PID1: variants seen among roughly 807,000 people sequenced by gnomAD.
PID1 encodes phosphotyrosine interaction domain containing 1.
In PID1, 10 loss-of-function variants were observed where a neutral mutation model predicts 19.1. The ratio of observed to expected loss-of-function variants is 0.52; its 90% CI spans 0.32 to 0.89. PID1 has a LOEUF of 0.89. Ranked by LOEUF, PID1 falls within the 40% of genes least tolerant of loss-of-function variation. PID1 has a pLI of 0.03. For missense variants in PID1, 248 were observed against 285.3 expected, an observed-to-expected ratio of 0.87 and a Z score of 0.94; for synonymous variants, 130 against 116.0, an observed-to-expected ratio of 1.12 and a Z score of -0.78.
chr2:229,220,124 A>G (rs1691935721), intron 1 of PID1, among the ~76,000 whole-genome samples: 2 of 151,774 alleles, frequency 1.3e-5, no homozygotes, highest in South Asian at 2.1e-4. Context: ...AGCTAGAGTG[A>G]TCCTCCCACC....
chr2:229,155,044 C>G lies in PID1; in HGVS notation c.177+774G>C, dbSNP rs1690337082. 2.0e-5 allele frequency among the ~76,000 whole-genome samples: 3 copies of G among 152,166 alleles called. No homozygotes were observed. In the South Asian group the frequency reaches 6.2e-4, roughly 32 times the overall value. ...TGAATATTAGTATAAATTTTGAGAG[C>G]TGAAGCAAAGCAAAAACTGCAAAAT... On this transcript the variant is annotated intron_variant, in intron 2 of 2. Transcript: ENST00000392055.
intron 2 of PID1, among the ~76,000 whole-genome samples, chr2:229,098,178 G>A (rs1171372867): frequency 2.0e-5 from 3 of 152,164 alleles, no homozygotes; most frequent in Non-Finnish European, 4.4e-5. Flanking sequence ...AAACACTGAC[G>A]TTCCAATTTC....
intron 2 of PID1, among the ~76,000 whole-genome samples, chr2:229,103,274 G>T (rs1298704359): frequency 1.3e-5 from 2 of 152,122 alleles, no homozygotes; most frequent in African/African-American, 4.8e-5. Context: ...TTGTCAATGG[G>T]ACAAGGGAAG....
At chr2:229,062,870 A>G (rs1373204618) in intron 2 of PID1, among the ~76,000 whole-genome samples, 1 of 151,868 alleles carries the variant, frequency 6.6e-6, no homozygotes, top group Admixed American at 6.6e-5. Flanking sequence ...AGATTCTAGG[A>G]ATGTATTCAT....
At chr2:229,101,228 T>G (rs1259882980) in intron 2 of PID1, among the ~76,000 whole-genome samples, 1 of 152,214 alleles carries the variant, frequency 6.6e-6, no homozygotes, top group African/African-American at 2.4e-5. Context: ...GATTTTTTTT[T>G]TAATCTTTTT....
At chr2:229,158,959 C>T (rs1690438550) in intron 1 of PID1, among the ~76,000 whole-genome samples, 1 of 151,814 alleles carries the variant, frequency 6.6e-6, no homozygotes, top group African/African-American at 2.4e-5. Context: ...TGGGGGAAGG[C>T]AGGGATGGTT....
chr2:229,149,032 A>AATATATAT (rs71793691), intron 2 of PID1, among the ~76,000 whole-genome samples: 4 of 147,146 alleles, frequency 2.7e-5, no homozygotes, highest in African/African-American at 7.4e-5. Flanking sequence ...GCTTGAATCT[A>AATATATAT]ATATATATAT....
intron 2 of PID1, among the ~76,000 whole-genome samples, chr2:229,126,416 G>A (rs1695624021): frequency 6.6e-6 from 1 of 151,738 alleles, no homozygotes; most frequent in Admixed American, 6.6e-5. Flanking sequence ...AACTGGGAAT[G>A]GTCTGGCAAA....
chr2:229,151,220 C>T (rs1458145884), intron 2 of PID1, among the ~76,000 whole-genome samples: 1 of 152,108 alleles, frequency 6.6e-6, no homozygotes, highest in Non-Finnish European at 1.5e-5. Context: ...ACACAACTGC[C>T]CCACCTGTTT....
chr2:229,096,671 A>G (rs1448919866), intron 2 of PID1, among the ~76,000 whole-genome samples: 1 of 152,214 alleles, frequency 6.6e-6, no homozygotes, highest in East Asian at 1.9e-4. Flanking sequence ...AGATAACATC[A>G]AAAGCACCAG....
intron 1 of PID1, among the ~76,000 whole-genome samples, chr2:229,179,882 G>A (rs1304878822): frequency 6.6e-6 from 1 of 152,122 alleles, no homozygotes; most frequent in Non-Finnish European, 1.5e-5. Flanking sequence ...TGGCCACACG[G>A]ACCTCTGCTC....
intron 2 of PID1, among the ~76,000 whole-genome samples, chr2:229,148,984 A>T (rs1418259838): frequency 6.6e-6 from 1 of 151,024 alleles, no homozygotes; most frequent in Non-Finnish European, 1.5e-5. Flanking sequence ...AATATCAATG[A>T]CTCTGAATTT....
At chr2:229,224,562 T>TTTC (rs1692038468) in intron 1 of PID1, among the ~76,000 whole-genome samples, 1 of 152,180 alleles carries the variant, frequency 6.6e-6, no homozygotes, top group Non-Finnish European at 1.5e-5. Context: ...ATTCAAACAT[T>TTTC]TTCCTTCCTC....
At chr2:229,161,163 A>T (rs1231059928) in intron 1 of PID1, among the ~76,000 whole-genome samples, 1 of 152,236 alleles carries the variant, frequency 6.6e-6, no homozygotes, top group Non-Finnish European at 1.5e-5. Flanking sequence ...GCTGAACAGA[A>T]TGTCCTGGAG....
chr2:229,028,155 G>A (rs1006751508), intron 2 of PID1, among the ~76,000 whole-genome samples: 5 of 152,168 alleles, frequency 3.3e-5, no homozygotes, highest in African/African-American at 1.2e-4. Context: ...AAATGCTTGG[G>A]ACCAGAAGTA....
chr2:229,076,274 T>C (rs1452499020), intron 2 of PID1, among the ~76,000 whole-genome samples: 1 of 152,150 alleles, frequency 6.6e-6, no homozygotes, highest in East Asian at 1.9e-4. Flanking sequence ...TCCAGAATCC[T>C]CTGAATCTTC....
chr2:229,168,488 T>C (rs1036047214), intron 1 of PID1, among the ~76,000 whole-genome samples: 4 of 152,218 alleles, frequency 2.6e-5, no homozygotes, highest in African/African-American at 9.6e-5. Context: ...TTTTACTTTG[T>C]TGTCATTGTT....
Position 229,271,055 on chromosome 2 carries a change from G to C in PID1, c.-12C>G. 6.5e-7 allele frequency: 1 copy of C among 1,544,722 alleles called. No homozygotes were observed. The highest frequency in any genetic ancestry group is 8.7e-7 in the Non-Finnish European group (1 of 1,144,772). On this transcript the variant is annotated 5_prime_UTR_variant, in exon 1 of 3. Coordinates refer to ENST00000392055, the MANE Select transcript of PID1 (RefSeq NM_001100818.2). ...GCCGGCTGCCACATCTTCCAGCCCT[G>C]GGTTTTGGCAGAGGAGACGCTGGCG...
At chr2:229,200,806 T>A (rs1234081685) in intron 1 of PID1, among the ~76,000 whole-genome samples, 3 of 152,168 alleles carry the variant, frequency 2.0e-5, no homozygotes, top group African/African-American at 7.2e-5. Flanking sequence ...TATCATGGAA[T>A]TACATGAAAT....
Sources: gnomAD v4.1 joint callset for allele counts (sites outside exome capture counted in the v4.1 genomes callset) on GRCh38, gnomAD v4.1.1 for gene constraint, MANE v1.5 for transcripts, NCBI Gene and HGNC (gene_info 2026-07-23, HGNC 2026-07-21) for gene names.